Variants in SOX6 observed in about 807,000 individuals in gnomAD.
SOX6 encodes the protein SRY-box transcription factor 6, also known as transcription factor SOX-6.
In SOX6, 11 loss-of-function variants were observed where a neutral mutation model predicts 97.8. The ratio of observed to expected loss-of-function variants is 0.11; its 90% CI spans 0.07 to 0.19. SOX6 has a LOEUF of 0.19. Among genes scored for constraint, SOX6 ranks in the 10% least tolerant of loss-of-function variants. SOX6 has a pLI of 1.00. For missense variants in SOX6, 810 were observed against 1,039.5 expected, an observed-to-expected ratio of 0.78 and a Z score of 3.04; for synonymous variants, 360 against 371.4, an observed-to-expected ratio of 0.97 and a Z score of 0.35.
At chr11:16,641,381 T>C (rs1437205459) in intron 3 of SOX6, among the ~76,000 whole-genome samples, 1 of 152,048 alleles carries the variant, frequency 6.6e-6, no homozygotes. Context: ...AGAATGTATA[T>C]GTTGATTTGG....
chr11:16,611,279 A>AC (rs1431554286), intron 4 of SOX6, among the ~76,000 whole-genome samples: 1 of 152,234 alleles, frequency 6.6e-6, no homozygotes, highest in African/African-American at 2.4e-5. Flanking sequence ...CATAACGGCT[A>AC]TTAAAACCTC....
intron 4 of SOX6, among the ~76,000 whole-genome samples, chr11:16,574,079 A>C (rs1847961282): frequency 6.6e-6 from 1 of 152,168 alleles, no homozygotes; most frequent in African/African-American, 2.4e-5. Flanking sequence ...TAATAGATTA[A>C]ATGCAAACTA....
At chr11:16,368,132 C>T (rs543029559) in intron 1 of SOX6, among the ~76,000 whole-genome samples, 1 of 152,212 alleles carries the variant, frequency 6.6e-6, no homozygotes, top group South Asian at 2.1e-4. Context: ...AATTGACTAG[C>T]ACTCCCATTA....
At chr11:16,583,014 A>T (rs1197382827) in intron 4 of SOX6, among the ~76,000 whole-genome samples, 3 of 152,148 alleles carry the variant, frequency 2.0e-5, no homozygotes, top group Non-Finnish European at 4.4e-5. Context: ...ATAGATACAG[A>T]TTCATATATA....
chr11:16,010,081 T>TA (rs34209409), intron 13 of SOX6, among the ~76,000 whole-genome samples: 8,594 of 126,088 alleles, frequency 0.068, 516 homozygotes, highest in Admixed American at 0.22. Flanking sequence ...AAGCCGAAAA[T>TA]AAAAAAAATA....
Position 16,493,763 on chromosome 11 carries a change from G to C in SOX6, n.610-17375C>G, listed in dbSNP as rs545832483. ...AACAACGAGATGTCAGTTTTCACCT[G>C]TATGGTCCAGAGTATACAGAAATAA... On this transcript the variant is annotated intron_variant and non_coding_transcript_variant, in intron 4 of 5. Transcript: ENST00000524520. 2.0e-5 allele frequency among the ~76,000 whole-genome samples: 3 copies of C among 152,256 alleles called. No homozygotes were observed. In the East Asian group the frequency reaches 5.8e-4, roughly 29 times the overall value.
At chr11:16,304,825 G>A (rs558044950) in intron 3 of SOX6, among the ~76,000 whole-genome samples, 2 of 152,220 alleles carry the variant, frequency 1.3e-5, no homozygotes, top group African/African-American at 4.8e-5. Flanking sequence ...AGGAAGGTTA[G>A]TCTTTTCAAC....
intron 1 of SOX6, chr11:16,408,879 C>G (rs970932664): frequency 1.3e-5 from 2 of 151,922 alleles, no homozygotes; most frequent in Non-Finnish European, 2.9e-5. Flanking sequence ...AAAACTAACC[C>G]CAAGGAAAGA....
intron 3 of SOX6, among the ~76,000 whole-genome samples, chr11:16,239,296 C>G (rs561047228): frequency 2.3e-4 from 35 of 151,986 alleles, no homozygotes; most frequent in Non-Finnish European, 4.9e-4. Flanking sequence ...ACTGCTCATG[C>G]TCTTCTCTCT....
intron 6 of SOX6, among the ~76,000 whole-genome samples, chr11:16,139,833 A>T (rs1478829948): frequency 2.6e-5 from 4 of 151,758 alleles, no homozygotes; most frequent in South Asian, 2.1e-4. Flanking sequence ...TATATATATA[A>T]AACCACAAAG....
chr11:16,361,234 G>A (rs1857204384), upstream of SOX6, among the ~76,000 whole-genome samples: 1 of 152,214 alleles, frequency 6.6e-6, no homozygotes, highest in African/African-American at 2.4e-5. Context: ...TGAAGCCCAT[G>A]CAGTCTCACT....
At chr11:16,638,223 A>T (rs1848824404) in intron 3 of SOX6, among the ~76,000 whole-genome samples, 2 of 151,788 alleles carry the variant, frequency 1.3e-5, no homozygotes, top group Admixed American at 6.6e-5. Flanking sequence ...TCTCCCTACA[A>T]AGGACATGAA....
At chr11:16,346,641 G>A (rs1856784421) in intron 1 of SOX6, among the ~76,000 whole-genome samples, 1 of 151,930 alleles carries the variant, frequency 6.6e-6, no homozygotes, top group South Asian at 2.1e-4. Flanking sequence ...GTGAAAAGAA[G>A]GTAACTGTTT....
At chr11:16,154,194 T>C (rs1223932869) in intron 6 of SOX6, among the ~76,000 whole-genome samples, 2 of 152,048 alleles carry the variant, frequency 1.3e-5, no homozygotes, top group East Asian at 3.9e-4. Flanking sequence ...CATATCTTAA[T>C]ATTATCAAGG....
intron 3 of SOX6, among the ~76,000 whole-genome samples, chr11:16,242,484 T>C (rs144394943): frequency 6.1e-4 from 93 of 152,040 alleles, no homozygotes; most frequent in African/African-American, 2.2e-3. Context: ...TGAAACAAAC[T>C]TCTTGCTTCA....
chr11:16,728,225 C>T (rs183487636), intron 2 of SOX6, among the ~76,000 whole-genome samples: 86 of 152,356 alleles, frequency 5.6e-4, no homozygotes, highest in South Asian at 4.8e-3. Context: ...CACTCGAGCT[C>T]TGCTAAGGGA....
At chr11:16,210,258 G>GA (rs34068936) in intron 4 of SOX6, among the ~76,000 whole-genome samples, 72,512 of 151,946 alleles carry the variant, frequency 0.48, 17,475 homozygotes, top group South Asian at 0.61. Flanking sequence ...CTGATGAATG[G>GA]TGAATAAAAT....
chr11:16,257,721 T>G (rs2134208740), intron 3 of SOX6, among the ~76,000 whole-genome samples: 1 of 151,922 alleles, frequency 6.6e-6, no homozygotes, highest in South Asian at 2.1e-4. Flanking sequence ...TTTATTAAAA[T>G]TAAAAGCTAC....
chr11:16,174,474 AC>A (rs1210724245), intron 6 of SOX6, among the ~76,000 whole-genome samples: 1 of 151,880 alleles, frequency 6.6e-6, no homozygotes, highest in Non-Finnish European at 1.5e-5. Flanking sequence ...AAAATCCATG[AC>A]TCTAACATTA....
Sources: gnomAD v4.1 joint callset for allele counts (sites outside exome capture counted in the v4.1 genomes callset) on GRCh38, gnomAD v4.1.1 for gene constraint, MANE v1.5 for transcripts, NCBI Gene and HGNC (gene_info 2026-07-23, HGNC 2026-07-21) for gene names.